CDK13: variants seen among roughly 807,000 people sequenced by gnomAD.
CDK13 encodes cyclin dependent kinase 13.
Under a neutral mutation model 137.6 loss-of-function variants are expected in CDK13, and 40 were observed. The ratio of observed to expected loss-of-function variants is 0.29; its 90% CI spans 0.23 to 0.38. CDK13 has a LOEUF of 0.38. CDK13 is among the 10% of genes least tolerant of loss of function. The pLI is 1.00. For synonymous variants in CDK13, 869 were observed against 760.1 expected (o/e 1.14, Z -2.36); for missense variants, 1,704 against 1,951.8 (o/e 0.87, Z 2.39).
chr7:40,031,828 G>GTTATTATTATTATTA (rs34654098), intron 5 of CDK13, among the ~76,000 whole-genome samples: 105 of 139,104 alleles, frequency 7.5e-4, no homozygotes, highest in Middle Eastern at 3.8e-3. Context: ...TATTATTATT[G>GTTATTATTATTATTA]TTATTATTAT....
At chr7:39,963,151 T>G (rs1036366656) in intron 1 of CDK13, among the ~76,000 whole-genome samples, 1 of 152,190 alleles carries the variant, frequency 6.6e-6, no homozygotes, top group African/African-American at 2.4e-5. Context: ...TTTTTTCCAA[T>G]TCTGTGAAGA....
intron 1 of CDK13, among the ~76,000 whole-genome samples, chr7:39,973,201 A>G (rs925115805): frequency 3.9e-5 from 6 of 152,132 alleles, no homozygotes; most frequent in Non-Finnish European, 5.9e-5. Flanking sequence ...CAGTGGCACA[A>G]TTTTGGCTCA....
intron 5 of CDK13, among the ~76,000 whole-genome samples, chr7:40,039,176 G>T (rs923426397): frequency 1.3e-5 from 2 of 151,726 alleles, no homozygotes; most frequent in African/African-American, 4.8e-5. Context: ...TCTTTTTTCG[G>T]ATGAGCTAAT....
chr7:40,094,795 C>T lies in CDK13; in HGVS notation c.4354C>T (p.Pro1452Ser). The T allele has an allele frequency of 6.3e-7, 1 of 1,596,260 alleles. No individual in the cohort carries two copies. The highest frequency in any genetic ancestry group is 8.5e-7 in the Non-Finnish European group (1 of 1,172,446). ...DPSTGPESTH[P>S]LPAKMHNYNY... ...TTCCACGGGGCCAGAGAGTACTCATCCTTTGCCAGCAAAGATGCACAACTA... is the reference window on the plus strand; with the variant it reads ...TTCCACGGGGCCAGAGAGTACTCATTCTTTGCCAGCAAAGATGCACAACTA... The change falls in exon 14 of 14, where the codon CCT becomes TCT. Residue 1452 changes from proline (P) to serine (S), a missense_variant. By Grantham distance (74) the Pro-to-Ser change is moderately conservative (BLOSUM62 -1). Coordinates refer to ENST00000181839, the MANE Select transcript of CDK13 (RefSeq NM_003718.5).
Position 40,003,904 on chromosome 7 carries a change from T to C in CDK13, c.2353+1873T>C, listed in dbSNP as rs555445324. ...TGTTGCTTTATTCATTAGTGAGGCC[T>C]TACCTGATCAGTCTTCCCACTTTCT... On this transcript the variant is annotated intron_variant, in intron 5 of 13. Transcript: ENST00000181839. Among the ~76,000 whole-genome samples, 24 of 152,338 alleles carry C rather than the reference T, an allele frequency of 1.6e-4. No homozygotes were observed. The South Asian group carries it at 5.0e-3, about 32-fold the overall frequency.
chr7:40,010,640 C>T (rs537208527), intron 5 of CDK13, among the ~76,000 whole-genome samples: 6 of 152,298 alleles, frequency 3.9e-5, no homozygotes, highest in African/African-American at 9.6e-5. Flanking sequence ...TGAAATCATG[C>T]GTCTGTACTC....
Position 40,098,248 on chromosome 7 carries a change from T to C in CDK13, c.*3268T>C, listed in dbSNP as rs991221308. 6.6e-6 allele frequency: 1 copy of C among 152,116 alleles called. No individual in the cohort carries two copies. The highest frequency in any genetic ancestry group is 2.4e-5 in the African/African-American group (1 of 41,456). 9.4% of individuals were successfully genotyped at this position (152,116 alleles called of 1,614,324 possible). ...TATTTGTAAGAAATATCAAGACTTC[T>C]TGAGAAAAATGAAAAGTGAATACAT... On this transcript the variant is annotated 3_prime_UTR_variant, in exon 14 of 14. Coordinates refer to ENST00000181839, the MANE Select transcript of CDK13 (RefSeq NM_003718.5).
chr7:40,075,118 C>A (rs1323263830), intron 9 of CDK13, among the ~76,000 whole-genome samples: 1 of 152,036 alleles, frequency 6.6e-6, no homozygotes, highest in African/African-American at 2.4e-5. Context: ...TCCTATCAGA[C>A]TTTCAAGGAA....
intron 9 of CDK13, chr7:40,072,677 C>T (rs1287670756): frequency 1.3e-5 from 2 of 152,194 alleles, no homozygotes; most frequent in Non-Finnish European, 2.9e-5. Flanking sequence ...CCTTGGACCC[C>T]ACTTGTGAAA....
chr7:40,092,798 T>C lies in CDK13; in HGVS notation c.3249T>C (p.Pro1083=), dbSNP rs1294040045. The change falls in exon 13 of 14, where the codon CCT becomes CCC. Residue 1083 remains proline (P), a synonymous_variant. Coordinates refer to ENST00000181839, the MANE Select transcript of CDK13 (RefSeq NM_003718.5). ...SSNVAPVKTG[P]GQHLNHSELA... is the part of the protein sequence containing the mutation. ...TTTTGTCTTTAGTAAAAACAGGCCC[T>C]GGACAGCACTTAAACCACAGTGAAT... The C allele has an allele frequency of 6.2e-7, 1 of 1,613,826 alleles. No individual in the cohort carries two copies. Among genetic ancestry groups the C allele is most frequent in the Non-Finnish European group, 8.5e-7 (1 of 1,179,782 alleles).
At chr7:40,039,349 A>C (rs1243495512) in intron 5 of CDK13, among the ~76,000 whole-genome samples, 1 of 150,482 alleles carries the variant, frequency 6.6e-6, no homozygotes, top group Non-Finnish European at 1.5e-5. Context: ...ACTCACTGCA[A>C]CCTCCGCCTC....
chr7:40,024,915 TG>T (rs1318925459), intron 5 of CDK13, among the ~76,000 whole-genome samples: 1 of 152,048 alleles, frequency 6.6e-6, no homozygotes, highest in Admixed American at 6.6e-5. Flanking sequence ...TCGCCCGCCT[TG>T]GCCTCCCAAA....
At chr7:39,964,836 T>C (rs1783832095) in intron 1 of CDK13, among the ~76,000 whole-genome samples, 2 of 152,176 alleles carry the variant, frequency 1.3e-5, no homozygotes, top group African/African-American at 4.8e-5. Flanking sequence ...TTTGTTCTCG[T>C]TGGTTTCAAA....
intron 5 of CDK13, among the ~76,000 whole-genome samples, chr7:40,021,789 G>A (rs1785132005): frequency 6.6e-6 from 1 of 151,794 alleles, no homozygotes; most frequent in Non-Finnish European, 1.5e-5. Flanking sequence ...GGAAAAGTTA[G>A]AATTTTTGTC....
At position 40,095,066 on chromosome 7, in the gene CDK13, T is replaced by C. The variant is rs1158116757; in HGVS notation, c.*86T>C. 1.2e-5 allele frequency: 14 copies of C among 1,153,354 alleles called. No individual in the cohort carries two copies. The highest frequency in any genetic ancestry group is 1.6e-5 in the Non-Finnish European group (14 of 874,044). The allele number at this position is 1,153,354 out of a possible 1,614,324, so 71.4% of individuals were successfully genotyped here. A position where few individuals can be genotyped will look rare whatever the true frequency, so the allele number is the denominator to read the frequency against. On this transcript the variant is annotated 3_prime_UTR_variant, in exon 14 of 14. Coordinates refer to ENST00000181839, the MANE Select transcript of CDK13 (RefSeq NM_003718.5). ...AAGGCAGCAATCCAAGAGACTTGAA[T>C]AATAATAATTCAACAACAGCTTTAT...
Position 40,038,451 on chromosome 7 carries a change from T to C in CDK13, c.2354-7385T>C, listed in dbSNP as rs573900842. Among the ~76,000 whole-genome samples, 16 of 152,330 alleles carry C rather than the reference T, an allele frequency of 1.1e-4. No homozygotes were observed. In the South Asian group the frequency reaches 3.3e-3, roughly 32 times the overall value. ...TGAATAGCCCTATGCATACATCATT[T>C]TGTATTTTGGCCAGTGAATTTTTGG... On this transcript the variant is annotated intron_variant, in intron 5 of 13. Transcript: ENST00000181839.
At chr7:40,071,906 G>A (rs1301156102) in intron 9 of CDK13, 3 of 152,150 alleles carry the variant, frequency 2.0e-5, no homozygotes, top group Non-Finnish European at 2.9e-5. Flanking sequence ...TTGGATGACT[G>A]TAGTTTGTTA....
intron 9 of CDK13, 76 bp from the exon 10 acceptor site, chr7:40,077,929 T>C (rs1427891994): frequency 1.7e-6 from 1 of 597,412 alleles, no homozygotes; most frequent in African/African-American, 1.9e-5. Flanking sequence ...TAAAAATGAG[T>C]TGATGTTTTG....
chr7:39,952,026 A>G (rs1787239175), intron 1 of CDK13, 174 bp downstream of exon 1: 1 of 507,296 alleles, frequency 2.0e-6, no homozygotes, highest in Non-Finnish European at 3.1e-6. Context: ...ACACTTTTTT[A>G]GGGGGTCGAA....
Sources: allele counts gnomAD v4.1 joint callset (sites outside exome capture counted in the v4.1 genomes callset), GRCh38; gene constraint gnomAD v4.1.1; transcripts MANE v1.5; gene names NCBI Gene and HGNC (gene_info 2026-07-23, HGNC 2026-07-21).